MYRIP: variants seen among roughly 807,000 people sequenced by gnomAD.
MYRIP encodes the protein myosin VIIA and Rab interacting protein, also known as rab effector MyRIP.
A neutral mutation model predicts 98.0 loss-of-function variants in MYRIP; 49 were observed. The observed-to-expected ratio is 0.50, with a 90% CI of 0.40 to 0.63. MYRIP has a LOEUF of 0.63. Among genes scored for constraint, MYRIP ranks in the 30% least tolerant of loss-of-function variants. The pLI is 0.00. For synonymous variants in MYRIP, 404 were observed against 409.5 expected (o/e 0.99, Z 0.16); for missense variants, 1,004 against 1,058.2 (o/e 0.95, Z 0.71).
chr3:39,945,368 T>C (rs1239824812), intron 2 of MYRIP, among the ~76,000 whole-genome samples: 1 of 124,078 alleles, frequency 8.1e-6, no homozygotes, highest in East Asian at 2.7e-4. Flanking sequence ...TGTAATCCCA[T>C]CAGGAGTCTA....
chr3:39,836,398 G>C (rs1575288175), intron 1 of MYRIP, among the ~76,000 whole-genome samples: 1 of 152,180 alleles, frequency 6.6e-6, no homozygotes, highest in African/African-American at 2.4e-5. Flanking sequence ...CTTCTTTTGA[G>C]AAGTGTCTGT....
At chr3:40,135,378 C>T (rs1949741594) in intron 3 of MYRIP, among the ~76,000 whole-genome samples, 1 of 152,126 alleles carries the variant, frequency 6.6e-6, no homozygotes, top group Non-Finnish European at 1.5e-5. Context: ...AAATATGGGA[C>T]TATGTGAAAA....
At chr3:39,888,022 TAAAA>T (rs1188291339) in intron 1 of MYRIP, among the ~76,000 whole-genome samples, 1 of 150,722 alleles carries the variant, frequency 6.6e-6, no homozygotes, top group African/African-American at 2.5e-5. Context: ...CTCAAGGAAA[TAAAA>T]GAGGATACAA....
chr3:40,082,761 A>G (rs2125872171), intron 3 of MYRIP, among the ~76,000 whole-genome samples: 1 of 152,334 alleles, frequency 6.6e-6, no homozygotes, highest in East Asian at 1.9e-4. Flanking sequence ...GGGCCTCCTA[A>G]TCATGAAGGA....
intron 9 of MYRIP, among the ~76,000 whole-genome samples, chr3:40,186,931 C>T (rs1234311844): frequency 1.3e-5 from 2 of 152,166 alleles, no homozygotes; most frequent in African/African-American, 4.8e-5. Context: ...CTATTACCAC[C>T]ACCACAGGTA....
chr3:39,936,183 CAAT>C (rs1472878581), intron 2 of MYRIP, among the ~76,000 whole-genome samples: 1 of 152,100 alleles, frequency 6.6e-6, no homozygotes, highest in African/African-American at 2.4e-5. Context: ...TAGGTATCTG[CAAT>C]AATGAGTGAA....
chr3:40,257,041 G>C (rs1953616043), intron 16 of MYRIP, among the ~76,000 whole-genome samples: 1 of 152,162 alleles, frequency 6.6e-6, no homozygotes, highest in Non-Finnish European at 1.5e-5. Context: ...ATAAATTACA[G>C]TAGGCCAAGC....
chr3:39,887,907 A>G (rs1039473717), intron 1 of MYRIP, among the ~76,000 whole-genome samples: 1 of 152,042 alleles, frequency 6.6e-6, no homozygotes, highest in Non-Finnish European at 1.5e-5. Context: ...GAGCCAAATC[A>G]TGAGTGAACT....
chr3:39,908,672 CAAA>C (rs1943941956), intron 2 of MYRIP, among the ~76,000 whole-genome samples: 1 of 152,076 alleles, frequency 6.6e-6, no homozygotes, highest in Admixed American at 6.5e-5. Flanking sequence ...TCATTTTAAA[CAAA>C]AATTTTATTA....
chr3:39,996,459 G>C (rs1411820258), intron 2 of MYRIP, among the ~76,000 whole-genome samples: 3 of 152,172 alleles, frequency 2.0e-5, no homozygotes, highest in Admixed American at 2.0e-4. Context: ...ATGGTAAAGA[G>C]ATCAATTCAA....
intron 10 of MYRIP, among the ~76,000 whole-genome samples, chr3:40,195,764 G>T (rs1314406763): frequency 6.6e-6 from 1 of 151,764 alleles, no homozygotes; most frequent in Non-Finnish European, 1.5e-5. Context: ...CTTCAGTTTG[G>T]TATCAGGTGA....
chr3:39,851,935 T>C (rs1270205004), intron 1 of MYRIP, among the ~76,000 whole-genome samples: 1 of 152,110 alleles, frequency 6.6e-6, no homozygotes, highest in Non-Finnish European at 1.5e-5. Context: ...ATTGCAGTGA[T>C]CCTTGGTAGA....
At chr3:40,090,950 T>A (rs988211924) in intron 3 of MYRIP, among the ~76,000 whole-genome samples, 16 of 152,152 alleles carry the variant, frequency 1.1e-4, no homozygotes, top group Non-Finnish European at 2.4e-4. Flanking sequence ...TTTCTTTCAG[T>A]CATGGTTTCT....
chr3:40,148,037 T>A (rs1409755537), intron 3 of MYRIP, among the ~76,000 whole-genome samples: 1 of 152,244 alleles, frequency 6.6e-6, no homozygotes, highest in African/African-American at 2.4e-5. Context: ...TGCCCTCTTG[T>A]GATGATGGTT....
At chr3:40,010,340 C>T (rs76765343) in intron 2 of MYRIP, among the ~76,000 whole-genome samples, 2,326 of 152,304 alleles carry the variant, frequency 0.015, 51 homozygotes, top group African/African-American at 0.052. Flanking sequence ...AGCAGAGCTT[C>T]CTGTGCCTCC....
In MYRIP at chr3:40,190,362, CG is replaced by C; in HGVS notation, c.1566del (p.Arg523GlyfsTer29). ...EPEEAPHTTD[R>X]RARRWRRARL... The stretch of plus-strand genomic sequence containing the variant: ...GGAGGAGGCCCCCCACACCACAGAC[CG>C]GCGGGCCAGGAGGTGGAGAAGAGCC... On this transcript the variant is annotated frameshift_variant, in exon 10 of 17. Coordinates refer to ENST00000302541, the MANE Select transcript of MYRIP (RefSeq NM_015460.4). LOFTEE classifies it high-confidence loss of function. 6.2e-7 allele frequency: 1 copy of C among 1,613,814 alleles called. No homozygotes were observed. The highest frequency in any genetic ancestry group is 8.5e-7 in the Non-Finnish European group (1 of 1,179,884).
rs1308610015 is a variant in MYRIP at position 40,078,366 on chromosome 3, A to C, written c.332+34095A>C. 3.9e-5 allele frequency among the ~76,000 whole-genome samples: 6 copies of C among 152,170 alleles called. No individual in the cohort carries two copies. The East Asian group carries it at 1.2e-3, about 29-fold the overall frequency. ...TTGGCCAGCCCAGAAAGAGGCTCCC[A>C]CAGTGCAGCGGTGGGCTGAAGGGCT... On this transcript the variant is annotated intron_variant, in intron 3 of 16. Coordinates refer to ENST00000302541, the MANE Select transcript of MYRIP (RefSeq NM_015460.4).
intron 11 of MYRIP, among the ~76,000 whole-genome samples, chr3:40,218,648 A>ATG (rs1952229397): frequency 1.4e-5 from 2 of 139,900 alleles, no homozygotes; most frequent in African/African-American, 5.5e-5. Context: ...ATATATATAT[A>ATG]TATATATACA....
intron 3 of MYRIP, among the ~76,000 whole-genome samples, chr3:40,136,741 T>A (rs900752218): frequency 6.6e-6 from 1 of 152,124 alleles, no homozygotes; most frequent in Non-Finnish European, 1.5e-5. Flanking sequence ...CACGCAAAAC[T>A]GATCAACTAC....
Sources: gnomAD v4.1 joint callset for allele counts (sites outside exome capture counted in the v4.1 genomes callset) on GRCh38, gnomAD v4.1.1 for gene constraint, MANE v1.5 for transcripts, NCBI Gene and HGNC (gene_info 2026-07-23, HGNC 2026-07-21) for gene names.